Variants in LRRC4C observed in about 807,000 individuals in gnomAD.
LRRC4C encodes the protein leucine rich repeat containing 4C, also known as leucine-rich repeat-containing protein 4C.
LRRC4C carries 5 observed loss-of-function variants against 33.6 expected under a neutral mutation model. That is an observed-to-expected ratio of 0.15 (90% CI 0.08 to 0.31). LRRC4C has a LOEUF of 0.31. Ranked by LOEUF, LRRC4C falls within the 10% of genes least tolerant of loss-of-function variation. LRRC4C has a pLI of 1.00. For synonymous variants in LRRC4C, 329 were observed against 302.0 expected (o/e 1.09, Z -0.93); for missense variants, 560 against 796.7 (o/e 0.70, Z 3.58).
chr11:41,152,825 G>T (rs77051768), intron 1 of LRRC4C, among the ~76,000 whole-genome samples: 7 of 152,244 alleles, frequency 4.6e-5, no homozygotes, highest in Admixed American at 1.3e-4. Context: ...AGGTCACTTT[G>T]TCTGTAGAAG....
At position 41,051,815 on chromosome 11, in the gene LRRC4C, T is replaced by A. The variant is rs1342694016; in HGVS notation, c.-495-118092A>T. On this transcript the variant is annotated intron_variant, in intron 1 of 6. Transcript: ENST00000528697. ...ACCACCACTGAATATGCCTCTTTTT[T>A]CTTCATCTTAGGCCAATAGCACAGC... is the stretch of plus-strand genomic sequence containing the variant. Among the ~76,000 whole-genome samples, 4 of 152,298 alleles carry A rather than the reference T, an allele frequency of 2.6e-5. No individual in the cohort carries two copies. In the South Asian group the frequency reaches 8.3e-4, roughly 32 times the overall value.
intron 1 of LRRC4C, among the ~76,000 whole-genome samples, chr11:41,180,605 A>G (rs1448784966): frequency 3.3e-5 from 5 of 152,182 alleles, no homozygotes; most frequent in Non-Finnish European, 1.5e-5. Context: ...GCGCACATGC[A>G]CGTGCATGAC....
chr11:40,409,059 A>G (rs1950063153), intron 3 of LRRC4C, among the ~76,000 whole-genome samples: 1 of 152,042 alleles, frequency 6.6e-6, no homozygotes, highest in Non-Finnish European at 1.5e-5. Context: ...ACAGACACAC[A>G]GATTAATGAA....
intron 1 of LRRC4C, among the ~76,000 whole-genome samples, chr11:41,121,798 G>A (rs1942445868): frequency 6.6e-6 from 1 of 152,098 alleles, no homozygotes; most frequent in Non-Finnish European, 1.5e-5. Flanking sequence ...GAATCATAGA[G>A]CAAATATTGT....
intron 1 of LRRC4C, among the ~76,000 whole-genome samples, chr11:41,306,464 G>A (rs1168823903): frequency 2.0e-5 from 3 of 152,218 alleles, no homozygotes; most frequent in Non-Finnish European, 4.4e-5. Flanking sequence ...CTTTGGAAAT[G>A]TAAAGAGTGG....
At chr11:40,472,986 C>G (rs1953019311) in intron 3 of LRRC4C, among the ~76,000 whole-genome samples, 1 of 152,118 alleles carries the variant, frequency 6.6e-6, no homozygotes, top group African/African-American at 2.4e-5. Flanking sequence ...CCAAAACAGC[C>G]TGGGACCAGA....
chr11:40,425,155 T>A (rs1309534715), intron 3 of LRRC4C, among the ~76,000 whole-genome samples: 2 of 151,372 alleles, frequency 1.3e-5, no homozygotes, highest in Non-Finnish European at 2.9e-5. Context: ...TTATGGTGGG[T>A]AGGTTTGTGG....
At chr11:40,247,824 G>T (rs1866470126) in intron 4 of LRRC4C, among the ~76,000 whole-genome samples, 1 of 152,256 alleles carries the variant, frequency 6.6e-6, no homozygotes, top group Admixed American at 6.5e-5. Flanking sequence ...GGAAGAATTA[G>T]CAGTCATTTG....
intron 2 of LRRC4C, among the ~76,000 whole-genome samples, chr11:40,809,267 T>C (rs1227936606): frequency 6.6e-6 from 1 of 152,202 alleles, no homozygotes; most frequent in Non-Finnish European, 1.5e-5. Context: ...AAATCAAGAA[T>C]GAACTGCATA....
intron 6 of LRRC4C, among the ~76,000 whole-genome samples, chr11:40,123,239 G>A (rs2134688505): frequency 6.6e-6 from 1 of 152,096 alleles, no homozygotes; most frequent in South Asian, 2.1e-4. Context: ...TGATATTTTT[G>A]GAAATTGTAG....
intron 3 of LRRC4C, among the ~76,000 whole-genome samples, chr11:40,585,907 A>G (rs1211908710): frequency 7.3e-6 from 1 of 136,504 alleles, no homozygotes; most frequent in Non-Finnish European, 1.6e-5. Context: ...AGTCTTTGCT[A>G]TTGTGAATAA....
intron 1 of LRRC4C, among the ~76,000 whole-genome samples, chr11:41,024,963 A>C (rs1856240971): frequency 6.6e-6 from 1 of 151,380 alleles, no homozygotes; most frequent in South Asian, 2.1e-4. Flanking sequence ...GGGACCAATG[A>C]TCTTTGATCT....
chr11:40,283,464 T>A (rs1413130701), intron 4 of LRRC4C, among the ~76,000 whole-genome samples: 3 of 152,146 alleles, frequency 2.0e-5, no homozygotes, highest in African/African-American at 7.2e-5. Context: ...AAAGTAGTTA[T>A]GAAAAATGGG....
intron 3 of LRRC4C, among the ~76,000 whole-genome samples, chr11:40,379,374 T>C (rs1948778224): frequency 6.6e-6 from 1 of 152,174 alleles, no homozygotes; most frequent in South Asian, 2.1e-4. Context: ...ATTATTTCTA[T>C]AAAAAGCTTA....
At position 40,471,055 on chromosome 11, in the gene LRRC4C, A is replaced by G. The variant is rs61886185; in HGVS notation, c.-269-151334T>C. Among the ~76,000 whole-genome samples the G allele has an allele frequency of 6.3e-3, 953 of 152,316 alleles. 4 individuals are homozygous for G. Among genetic ancestry groups the G allele is most frequent in the Middle Eastern group, 0.017 (5 of 294 alleles). The stretch of plus-strand genomic sequence containing the variant: ...GAGAACACCACAAAGGTACTCCTTG[A>G]GAAGAGCAATCCCAAGACACATAAT... On this transcript the variant is annotated intron_variant, in intron 3 of 6. Transcript: ENST00000528697.
intron 5 of LRRC4C, among the ~76,000 whole-genome samples, chr11:40,226,248 C>T (rs1213917231): frequency 1.3e-5 from 2 of 152,120 alleles, no homozygotes; most frequent in Non-Finnish European, 2.9e-5. Flanking sequence ...CCTAGTATAT[C>T]GGCAACAATG....
At chr11:40,687,843 C>T (rs1042858287) in intron 2 of LRRC4C, among the ~76,000 whole-genome samples, 8 of 151,938 alleles carry the variant, frequency 5.3e-5, no homozygotes, top group African/African-American at 1.7e-4. Flanking sequence ...TGACTACTTC[C>T]GAAGATTATT....
intron 4 of LRRC4C, among the ~76,000 whole-genome samples, chr11:40,310,074 G>A (rs866103141): frequency 6.6e-6 from 1 of 152,200 alleles, no homozygotes; most frequent in South Asian, 2.1e-4. Flanking sequence ...ATTTAAGTCC[G>A]TGAAGTATCA....
At chr11:40,209,645 C>T (rs1250630666) in intron 5 of LRRC4C, among the ~76,000 whole-genome samples, 1 of 152,076 alleles carries the variant, frequency 6.6e-6, no homozygotes, top group South Asian at 2.1e-4. Context: ...TGGGTTCAAA[C>T]GATTCTCATG....
Sources: gnomAD v4.1 joint callset for allele counts (sites outside exome capture counted in the v4.1 genomes callset) on GRCh38, gnomAD v4.1.1 for gene constraint, MANE v1.5 for transcripts, NCBI Gene and HGNC (gene_info 2026-07-23, HGNC 2026-07-21) for gene names.